Variants in STAT5B observed in about 807,000 individuals in gnomAD.
STAT5B encodes the protein signal transducer and activator of transcription 5B, also known as transcription factor STAT5B.
Under a neutral mutation model 107.8 loss-of-function variants are expected in STAT5B, and 21 were observed. The ratio of observed to expected loss-of-function variants is 0.19; its 90% CI spans 0.14 to 0.28. The LOEUF (loss-of-function observed/expected upper bound fraction) is 0.28, where lower values mean the gene tolerates loss of function less well. Among genes scored for constraint, STAT5B ranks in the 10% least tolerant of loss-of-function variants. STAT5B has a pLI of 1.00. For synonymous variants in STAT5B, 325 were observed against 401.7 expected, an observed-to-expected ratio of 0.81 and a Z score of 2.28; for missense variants, 565 against 1,008.2, an observed-to-expected ratio of 0.56 and a Z score of 5.95.
At chr17:42,281,133 C>CAA (rs537711767), upstream of STAT5B, among the ~76,000 whole-genome samples, 28 of 117,420 alleles carry the variant, frequency 2.4e-4, no homozygotes, top group African/African-American at 7.5e-4. Flanking sequence ...GATTCCGTCT[C>CAA]AAAAAAAAAA....
chr17:42,262,543 A>G (rs2144396144), intron 1 of STAT5B, among the ~76,000 whole-genome samples: 1 of 152,104 alleles, frequency 6.6e-6, no homozygotes, highest in South Asian at 2.1e-4. Flanking sequence ...CATAATAAAC[A>G]TTTAGAGAAG....
At chr17:42,279,772 G>A (rs966304210), upstream of STAT5B, among the ~76,000 whole-genome samples, 18 of 150,728 alleles carry the variant, frequency 1.2e-4, no homozygotes, top group African/African-American at 4.2e-4. Context: ...TTGCACTCCA[G>A]CCTGGGCAGC....
At chr17:42,203,424 A>C (rs2080061753) in intron 16 of STAT5B, among the ~76,000 whole-genome samples, 1 of 152,114 alleles carries the variant, frequency 6.6e-6, no homozygotes, top group African/African-American at 2.4e-5. Context: ...AAAAAAAAAA[A>C]AACACCTTGA....
chr17:42,268,402 C>T (rs955837439), intron 1 of STAT5B, among the ~76,000 whole-genome samples: 2 of 152,142 alleles, frequency 1.3e-5, no homozygotes, highest in Non-Finnish European at 2.9e-5. Context: ...TCACCATCTA[C>T]GTTTGTGTAA....
chr17:42,279,306 C>T (rs1455764176), upstream of STAT5B, among the ~76,000 whole-genome samples: 1 of 152,108 alleles, frequency 6.6e-6, no homozygotes, highest in Admixed American at 6.5e-5. Context: ...AGAGACAGTA[C>T]CTACCTCATC....
At chr17:42,217,652 A>T (rs1391651096) in intron 9 of STAT5B, 188 bp from the exon 10 acceptor site, 2 of 656,818 alleles carry the variant, frequency 3.0e-6, no homozygotes, top group Non-Finnish European at 5.3e-6. Flanking sequence ...ATGAAACAAG[A>T]TCAAACTATC....
chr17:42,249,656 T>C (rs1225541345), intron 1 of STAT5B, among the ~76,000 whole-genome samples: 2 of 151,884 alleles, frequency 1.3e-5, no homozygotes, highest in Non-Finnish European at 1.5e-5. Flanking sequence ...GGGAAGAGGA[T>C]AGAAAATATA....
intron 2 of STAT5B, 69 bp downstream of exon 2, chr17:42,231,931 A>C (rs542636982): frequency 1.9e-6 from 3 of 1,602,298 alleles, no homozygotes; most frequent in Non-Finnish European, 2.6e-6. Context: ...CCATCATGAC[A>C]TCTTTCTAAA....
chr17:42,262,920 GTGTA>G (rs1404211934), intron 1 of STAT5B, among the ~76,000 whole-genome samples: 3 of 100,618 alleles, frequency 3.0e-5, no homozygotes, highest in Admixed American at 1.0e-4. Context: ...ATATATATGT[GTGTA>G]TATATATATG....
intron 1 of STAT5B, among the ~76,000 whole-genome samples, chr17:42,263,911 A>G (rs982420457): frequency 7.8e-4 from 117 of 149,398 alleles, no homozygotes; most frequent in African/African-American, 2.8e-3. Flanking sequence ...ACACACACAC[A>G]GGGAACTCCA....
intron 1 of STAT5B, among the ~76,000 whole-genome samples, chr17:42,263,000 A>G (rs1469433887): frequency 1.1e-4 from 6 of 53,470 alleles, no homozygotes; most frequent in East Asian, 1.3e-3. Flanking sequence ...ATATATATAT[A>G]TATATATATA....
At position 42,211,883 on chromosome 17, in the gene STAT5B, T is replaced by C. The variant is rs1598298490; in HGVS notation, c.1680+101A>G. On this transcript the variant is annotated intron_variant, in intron 13 of 18. Coordinates refer to ENST00000293328, the MANE Select transcript of STAT5B (RefSeq NM_012448.4). ...AGCTTCTATTACTTTCGGTACATTTTATTAGAGACATGAAGAATAAGGGCC... is the reference window on the plus strand; with the variant it reads ...AGCTTCTATTACTTTCGGTACATTTCATTAGAGACATGAAGAATAAGGGCC... 15 of 1,520,524 alleles carry C rather than the reference T, an allele frequency of 9.9e-6. 1 individual carries two copies. In the East Asian group the frequency reaches 3.7e-4, roughly 37 times the overall value. 94.2% of individuals were successfully genotyped at this position (1,520,524 alleles called of 1,614,324 possible).
At chr17:42,262,765 T>C (rs545566443) in intron 1 of STAT5B, among the ~76,000 whole-genome samples, 235 of 140,928 alleles carry the variant, frequency 1.7e-3, no homozygotes, top group East Asian at 7.6e-3. Flanking sequence ...TGTGTATATA[T>C]ATACATATAT....
At chr17:42,211,362 G>C (rs9896521) in intron 13 of STAT5B, among the ~76,000 whole-genome samples, 4,236 of 151,818 alleles carry the variant, frequency 0.028, 182 homozygotes, top group African/African-American at 0.096. Context: ...ACAAAATTGC[G>C]GGGCGTGGTG....
chr17:42,222,690 T>C (rs2080240491), intron 5 of STAT5B, among the ~76,000 whole-genome samples: 1 of 151,530 alleles, frequency 6.6e-6, no homozygotes. Context: ...ATTTTTTTTT[T>C]TTTTTTTTGA....
chr17:42,226,789 CA>C (rs1456530364), intron 3 of STAT5B, among the ~76,000 whole-genome samples: 9 of 100,572 alleles, frequency 8.9e-5, no homozygotes, highest in Middle Eastern at 0.01. Flanking sequence ...GCCTGGGCAA[CA>C]AGAGTGAAAC....
intron 12 of STAT5B, chr17:42,214,187 T>C (rs897394210): frequency 1.0e-5 from 10 of 982,010 alleles, no homozygotes; most frequent in Non-Finnish European, 1.2e-5. Flanking sequence ...TAAGTAGTCA[T>C]TAACATAGCT....
intron 1 of STAT5B, among the ~76,000 whole-genome samples, chr17:42,238,256 C>T (rs891437801): frequency 5.3e-5 from 8 of 151,844 alleles, no homozygotes; most frequent in African/African-American, 1.9e-4. Flanking sequence ...ACCTCAGCCA[C>T]CCAAGTAGCT....
Position 42,200,524 on chromosome 17 carries a change from A to T in STAT5B, c.*1214T>A, listed in dbSNP as rs1351647871. 6.5e-6 allele frequency: 1 copy of T among 152,810 alleles called. No individual in the cohort carries two copies. The highest frequency in any genetic ancestry group is 1.5e-5 in the Non-Finnish European group (1 of 68,096). 9.5% of individuals were successfully genotyped at this position (152,810 alleles called of 1,614,324 possible). The stretch of plus-strand genomic sequence containing the variant: ...AAACTTGCTGACTGCATTTCCACAC[A>T]TTACCAACACCTGCCAGGACTTCAC... On this transcript the variant is annotated 3_prime_UTR_variant, in exon 19 of 19. Transcript: ENST00000293328.
Sources: gnomAD v4.1 joint callset for allele counts (sites outside exome capture counted in the v4.1 genomes callset) on GRCh38, gnomAD v4.1.1 for gene constraint, MANE v1.5 for transcripts, NCBI Gene and HGNC (gene_info 2026-07-23, HGNC 2026-07-21) for gene names.